Variants in RNPEP observed in about 807,000 individuals in gnomAD.
RNPEP encodes aminopeptidase B.
Under a neutral mutation model 70.1 loss-of-function variants are expected in RNPEP, and 57 were observed. That is an observed-to-expected ratio of 0.81 (90% CI 0.66 to 1.01). The LOEUF is 1.01. Among genes scored for constraint, RNPEP ranks in the 50% least tolerant of loss-of-function variants. RNPEP has a pLI of 0.00. For missense variants in RNPEP, 787 were observed against 852.4 expected (o/e 0.92, Z 0.96); for synonymous variants, 335 against 357.4 (o/e 0.94, Z 0.71).
At chr1:201,997,821 T>G (rs1158376078) in intron 5 of RNPEP, among the ~76,000 whole-genome samples, 1 of 149,218 alleles carries the variant, frequency 6.7e-6, no homozygotes, top group African/African-American at 2.5e-5. Flanking sequence ...TGGAGTGCAA[T>G]GGCACGATCT....
chr1:201,991,679 T>C (rs1452757208), intron 3 of RNPEP, among the ~76,000 whole-genome samples: 1 of 152,196 alleles, frequency 6.6e-6, no homozygotes, highest in Non-Finnish European at 1.5e-5. Context: ...GTATTTCCAT[T>C]GCAAATCCAG....
chr1:201,985,632 C>A (rs1329428056), intron 1 of RNPEP, among the ~76,000 whole-genome samples: 1 of 152,134 alleles, frequency 6.6e-6, no homozygotes, highest in Non-Finnish European at 1.5e-5. Flanking sequence ...CACAGATTCC[C>A]CTCTTGCTAC....
chr1:201,993,692 T>C (rs1028911805), intron 3 of RNPEP, among the ~76,000 whole-genome samples: 1 of 151,666 alleles, frequency 6.6e-6, no homozygotes, highest in African/African-American at 2.4e-5. Flanking sequence ...GGCAGGAGAA[T>C]GGTGTGAACC....
At position 201,982,812 on chromosome 1, in the gene RNPEP, C is replaced by T. The variant is rs1682983164; in HGVS notation, c.146C>T (p.Pro49Leu). ...LHLDLRAEFG[P>L]PGPGAGSRGL... ...CTGGACCTGCGGGCTGAGTTCGGGC[C>T]TCCAGGGCCCGGCGCAGGGAGCCGG... is the stretch of plus-strand genomic sequence containing the variant. Residue 49 changes from proline (P) to leucine (L), a missense_variant, in exon 1 of 11, where the codon CCT becomes CTT. Physicochemically the swap from Pro to Leu is moderately conservative, Grantham distance 98. Coordinates refer to ENST00000295640, the MANE Select transcript of RNPEP (RefSeq NM_020216.4). The T allele has an allele frequency of 1.4e-5, 19 of 1,334,560 alleles. No individual in the cohort carries two copies. The South Asian group carries it at 4.0e-4, about 28-fold the overall frequency. 82.7% of individuals were successfully genotyped at this position (1,334,560 alleles called of 1,614,324 possible). A position where few individuals can be genotyped will look rare whatever the true frequency, so the allele number is the denominator to read the frequency against.
At chr1:202,002,726 G>A (rs1683878772) in intron 8 of RNPEP, among the ~76,000 whole-genome samples, 2 of 152,192 alleles carry the variant, frequency 1.3e-5, no homozygotes, top group Admixed American at 6.5e-5. Flanking sequence ...TACTTACTAT[G>A]CATCAGGCGA....
At chr1:201,996,463 CTTTG>C in intron 4 of RNPEP, 200 bp downstream of exon 4, 1 of 327,618 alleles carries the variant, frequency 3.1e-6, no homozygotes. Flanking sequence ...AGATGAGGTT[CTTTG>C]TGTGTGTGTG....
In RNPEP at chr1:202,006,019, C is replaced by T. The variant is rs189901906; in HGVS notation, c.*303C>T. 8 of 328,492 alleles carry T rather than the reference C, an allele frequency of 2.4e-5. No homozygotes were observed. The East Asian group carries it at 3.7e-4, about 15-fold the overall frequency. 20.3% of individuals were successfully genotyped at this position (328,492 alleles called of 1,614,324 possible). On this transcript the variant is annotated 3_prime_UTR_variant, in exon 11 of 11. Transcript: ENST00000295640. ...AGTCTCTGGGAAGAAGTGGAGAGGA[C>T]TGATGCTCTTCTTTTTTCTCTTTCT... is the stretch of plus-strand genomic sequence containing the variant.
chr1:202,004,792 T>C (rs1370565453), intron 10 of RNPEP, among the ~76,000 whole-genome samples: 2 of 152,172 alleles, frequency 1.3e-5, no homozygotes, highest in Admixed American at 1.3e-4. Context: ...GACAGTGTCA[T>C]GTGGGAAACA....
rs564124902 is a variant in RNPEP, at chr1:201,989,994, C to T, written c.737+463C>T. On this transcript the variant is annotated intron_variant, in intron 3 of 10. Coordinates refer to ENST00000295640, the MANE Select transcript of RNPEP (RefSeq NM_020216.4). ...CAAGTAACTGGGACTGCAGGCATGCCCCACCACGCTCGGCTAATTTTTGTA... is the reference window on the plus strand; with the variant it reads ...CAAGTAACTGGGACTGCAGGCATGCTCCACCACGCTCGGCTAATTTTTGTA... Among the ~76,000 whole-genome samples the T allele has an allele frequency of 3.9e-5, 6 of 152,084 alleles. No individual in the cohort carries two copies. In the South Asian group the frequency reaches 1.2e-3, roughly 32 times the overall value.
Position 201,989,472 on chromosome 1 carries a change from C to T in RNPEP, c.678C>T (p.Ile226=). 2 of 1,614,182 alleles carry T rather than the reference C, an allele frequency of 1.2e-6. No homozygotes were observed. Among genetic ancestry groups the T allele is most frequent in the Non-Finnish European group, 1.7e-6 (2 of 1,180,038 alleles). The change falls in exon 3 of 11, where the codon ATC becomes ATT. Residue 226 remains isoleucine (I), a synonymous_variant. Transcript: ENST00000295640. ...TCTTCTTCCAGATGTGTCAGCCCAT[C>T]CCCTCCTATCTGATAGCTTTGGCCA... The part of the protein sequence containing the change: ...NKFFFQMCQP[I]PSYLIALAIG...
intron 8 of RNPEP, among the ~76,000 whole-genome samples, chr1:202,002,226 C>T (rs924709584): frequency 4.0e-5 from 6 of 150,932 alleles, no homozygotes; most frequent in African/African-American, 7.3e-5. Context: ...TGCAATGGCA[C>T]GATCTCGGCT....
chr1:201,993,982 G>C (rs1287276527), intron 3 of RNPEP, among the ~76,000 whole-genome samples: 1 of 147,510 alleles, frequency 6.8e-6, no homozygotes, highest in Admixed American at 7.0e-5. Flanking sequence ...GTTGAAACTA[G>C]TAAGAGAGGC....
intron 3 of RNPEP, among the ~76,000 whole-genome samples, chr1:201,990,551 T>C (rs1325025055): frequency 6.6e-6 from 1 of 152,228 alleles, no homozygotes; most frequent in African/African-American, 2.4e-5. Flanking sequence ...TGCTGTTCTT[T>C]ATCTCTGGCC....
rs145322740 is a variant in RNPEP at position 202,001,775 on chromosome 1, G to A, written c.1426+8G>A. 5.5e-5 allele frequency: 82 copies of A among 1,492,610 alleles called. No homozygotes were observed. The Middle Eastern group carries it at 6.9e-4, about 12-fold the overall frequency. 92.5% of individuals were successfully genotyped at this position (1,492,610 alleles called of 1,614,324 possible). On this transcript the variant is annotated splice_region_variant and intron_variant, in intron 8 of 10. Transcript: ENST00000295640. Reference sequence around the variant, plus strand: ...GAGTGGATATCATTCCAGGTAAGCAGAGGAACTGGCCCACAGGCTTCTAAA... The same window carrying A: ...GAGTGGATATCATTCCAGGTAAGCAAAGGAACTGGCCCACAGGCTTCTAAA...
rs765406307 is a variant in RNPEP at position 201,989,499 on chromosome 1, C to T, written c.705C>T (p.Ile235=). 15 of 1,614,032 alleles carry T rather than the reference C, an allele frequency of 9.3e-6. No individual in the cohort carries two copies. The Middle Eastern group carries it at 6.6e-4, about 71-fold the overall frequency. ...CCTCCTATCTGATAGCTTTGGCCAT[C>T]GGAGATCTGGTTTCGGCTGAAGTTG... ...PIPSYLIALA[I]GDLVSAEVGP... The change falls in exon 3 of 11, where the codon ATC becomes ATT. Residue 235 remains isoleucine, a synonymous_variant. Transcript: ENST00000295640.
Position 201,983,082 on chromosome 1 carries a change from T to G in RNPEP, c.416T>G (p.Leu139Arg). 6.6e-7 allele frequency: 1 copy of G among 1,521,924 alleles called. No homozygotes were observed. The highest frequency in any genetic ancestry group is 8.8e-7 in the Non-Finnish European group (1 of 1,142,586). 94.3% of individuals were successfully genotyped at this position (1,521,924 alleles called of 1,614,324 possible). A position where few individuals can be genotyped will look rare whatever the true frequency, so the allele number is the denominator to read the frequency against. Residue 139 changes from leucine to arginine, a missense_variant, in exon 1 of 11, where the codon CTG (leucine) becomes CGG (arginine). Physicochemically the swap from Leu to Arg is moderately radical, Grantham distance 102. Coordinates refer to ENST00000295640, the MANE Select transcript of RNPEP (RefSeq NM_020216.4). ...CGCGCCGCCGAGCGCCTCCAGGTGC[T>G]GCTCACCTACCGCGTCGGGGAGGGA... is the stretch of plus-strand genomic sequence containing the variant. ...PCRAAERLQV[L>R]LTYRVGEGPG...
intron 3 of RNPEP, among the ~76,000 whole-genome samples, chr1:201,993,728 G>T (rs957266896): frequency 4.1e-4 from 62 of 152,196 alleles, no homozygotes; most frequent in African/African-American, 1.4e-3. Context: ...GCAGTGAGCC[G>T]AGATCGCGCC....
intron 1 of RNPEP, chr1:201,983,810 T>A (rs7548375): frequency 9.2e-7 from 1 of 1,085,568 alleles, no homozygotes; most frequent in Non-Finnish European, 1.1e-6. Context: ...GATGGAGTTA[T>A]GTGGCTTATG....
chr1:201,993,763 A>C (rs1349714676), intron 3 of RNPEP, among the ~76,000 whole-genome samples: 1 of 152,190 alleles, frequency 6.6e-6, no homozygotes, highest in African/African-American at 2.4e-5. Context: ...TGGGCAACAG[A>C]GCAAGACTCC....
Sources: gnomAD v4.1 joint callset for allele counts (sites outside exome capture counted in the v4.1 genomes callset) on GRCh38, gnomAD v4.1.1 for gene constraint, MANE v1.5 for transcripts, NCBI Gene and HGNC (gene_info 2026-07-23, HGNC 2026-07-21) for gene names.